Variants in USP20 observed in about 807,000 individuals in gnomAD.
USP20 encodes ubiquitin carboxyl-terminal hydrolase 20.
In USP20, 80 loss-of-function variants were observed where a neutral mutation model predicts 124.2. That is an observed-to-expected ratio of 0.64 (90% CI 0.54 to 0.78). USP20 has a LOEUF of 0.78. USP20 is among the 30% of genes least tolerant of loss of function. The probability of loss-of-function intolerance (pLI) is 0.00; values close to 1 mark genes in which losing one functional copy is unlikely to be tolerated. For synonymous variants in USP20, 481 were observed against 512.3 expected (o/e 0.94, Z 0.83); for missense variants, 1,043 against 1,244.4 (o/e 0.84, Z 2.44).
At chr9:129,876,681 C>T (rs141221811) in intron 22 of USP20, among the ~76,000 whole-genome samples, 3 of 150,826 alleles carry the variant, frequency 2.0e-5, no homozygotes, top group African/African-American at 2.4e-5. Flanking sequence ...GAGTCTTCTG[C>T]GGGGAACTAG....
At chr9:129,848,457 G>C (rs759056423) in intron 1 of USP20, among the ~76,000 whole-genome samples, 3 of 151,618 alleles carry the variant, frequency 2.0e-5, no homozygotes, top group Non-Finnish European at 4.4e-5. Flanking sequence ...GAAGTTGCAA[G>C]AATGTAAGTC....
chr9:129,838,783 T>G (rs1286242996), intron 1 of USP20, among the ~76,000 whole-genome samples: 2 of 152,242 alleles, frequency 1.3e-5, no homozygotes, highest in Non-Finnish European at 2.9e-5. Flanking sequence ...TCATGCTTAC[T>G]CACCACTGAG....
intron 6 of USP20, among the ~76,000 whole-genome samples, chr9:129,860,164 A>G (rs1363783222): frequency 6.6e-6 from 1 of 152,136 alleles, no homozygotes; most frequent in Non-Finnish European, 1.5e-5. Flanking sequence ...CCCCGTCTCT[A>G]CTAAAAATAC....
intron 14 of USP20, 25 bp downstream of exon 14, chr9:129,869,869 G>A: frequency 6.5e-7 from 1 of 1,546,950 alleles, no homozygotes; most frequent in Non-Finnish European, 8.7e-7. Context: ...CCACTACTGG[G>A]CGACATGGGC....
chr9:129,840,792 T>C (rs12342350), intron 1 of USP20, among the ~76,000 whole-genome samples: 32,706 of 141,402 alleles, frequency 0.23, 3,821 homozygotes, highest in South Asian at 0.26. Flanking sequence ...TTTTTTGAGA[T>C]AGGGTCTTGC....
intron 3 of USP20, among the ~76,000 whole-genome samples, chr9:129,854,311 G>A (rs1277246841): frequency 1.3e-5 from 2 of 152,138 alleles, no homozygotes; most frequent in Non-Finnish European, 2.9e-5. Context: ...TATTTATTGA[G>A]CGTTATTTAT....
In USP20 at chr9:129,878,446, C is replaced by T. The variant is rs1445662272; in HGVS notation, c.2512+6C>T. 1.2e-5 allele frequency: 19 copies of T among 1,597,704 alleles called. No individual in the cohort carries two copies. The East Asian group carries it at 2.7e-4, about 23-fold the overall frequency. On this transcript the variant is annotated splice_donor_region_variant and intron_variant, in intron 23 of 25. Transcript: ENST00000372429. ...CGTCAAGGGGAAGGACAACGGTGAG[C>T]TGAGGGGGGACCTGGCACTTACCTG...
chr9:129,868,470 G>A, intron 11 of USP20, 21 bp downstream of exon 11: 2 of 1,601,904 alleles, frequency 1.2e-6, no homozygotes, highest in South Asian at 1.1e-5. Context: ...GCCGGGGACT[G>A]CGGGAGGAAC....
Position 129,874,651 on chromosome 9 carries a change from C to A in USP20, c.1816C>A (p.Pro606Thr), listed in dbSNP as rs2034298467. ...SFKINSHVSFPLEGLDLRPFL... is the reference protein window; with the variant it reads ...SFKINSHVSFTLEGLDLRPFL... ...CAAGATCAACAGCCACGTCTCCTTC[C>A]CCCTCGAGGGGCTCGACCTGCGCCC... Residue 606 changes from proline (P) to threonine (T), a missense_variant, in exon 18 of 26, where the codon CCC (proline) becomes ACC (threonine). Transcript: ENST00000372429. 1 of 1,613,814 alleles carries A rather than the reference C, an allele frequency of 6.2e-7. No individual in the cohort carries two copies. Among genetic ancestry groups the A allele is most frequent in the Non-Finnish European group, 8.5e-7 (1 of 1,180,032 alleles).
At chr9:129,861,458 C>T (rs919422579) in intron 7 of USP20, 85 bp from the exon 8 acceptor site, 2 of 1,299,854 alleles carry the variant, frequency 1.5e-6, no homozygotes, top group Non-Finnish European at 2.2e-6. Context: ...TTGAGAGCCA[C>T]ACCTTTGTGC....
At position 129,874,878 on chromosome 9, in the gene USP20, C is replaced by T. The variant is rs765763870; in HGVS notation, c.1971C>T (p.Tyr657=). 5.6e-6 allele frequency: 9 copies of T among 1,613,966 alleles called. No individual in the cohort carries two copies. The highest frequency in any genetic ancestry group is 2.2e-5 in the South Asian group (2 of 91,092). Residue 657 remains tyrosine (Y), a synonymous_variant, in exon 19 of 26, where the codon TAC becomes TAT. Coordinates refer to ENST00000372429, the MANE Select transcript of USP20 (RefSeq NM_001110303.4). ...YCQNVINGQW[Y]EFDDQYVTEV... The stretch of plus-strand genomic sequence containing the variant: ...AGAACGTGATCAATGGGCAGTGGTA[C>T]GAGTTTGATGACCAGTACGTCACAG...
chr9:129,876,118 C>T lies in USP20; in HGVS notation c.2301-12C>T. 1.2e-6 allele frequency: 2 copies of T among 1,610,354 alleles called. No homozygotes were observed. Among genetic ancestry groups the T allele is most frequent in the Non-Finnish European group, 1.7e-6 (2 of 1,178,198 alleles). ...GCTCAGGCCGTGTCTCTCTCTCCCACCCTGGGCACAGATTCGGGGGTGGCC... is the reference window on the plus strand; with the variant it reads ...GCTCAGGCCGTGTCTCTCTCTCCCATCCTGGGCACAGATTCGGGGGTGGCC... On this transcript the variant is annotated splice_polypyrimidine_tract_variant and intron_variant, in intron 21 of 25. Transcript: ENST00000372429.
chr9:129,855,398 TC>T (rs2033158287), intron 3 of USP20, among the ~76,000 whole-genome samples: 3 of 147,174 alleles, frequency 2.0e-5, no homozygotes, highest in Non-Finnish European at 4.5e-5. Flanking sequence ...ACCACTGCAC[TC>T]CAGCCTGGGT....
At chr9:129,836,436 G>A (rs1370984227) in intron 1 of USP20, among the ~76,000 whole-genome samples, 1 of 152,202 alleles carries the variant, frequency 6.6e-6, no homozygotes, top group African/African-American at 2.4e-5. Context: ...CAGCTAGGAG[G>A]TGGAACAGGA....
chr9:129,867,543 G>A (rs1485000313), intron 10 of USP20, among the ~76,000 whole-genome samples: 5 of 152,022 alleles, frequency 3.3e-5, no homozygotes, highest in Non-Finnish European at 7.4e-5. Flanking sequence ...CGTGGCTTGG[G>A]GCAGGACTCG....
chr9:129,872,452 T>A (rs910840986), intron 15 of USP20, among the ~76,000 whole-genome samples: 4 of 152,036 alleles, frequency 2.6e-5, no homozygotes, highest in Non-Finnish European at 1.5e-5. Context: ...GGTGCCGGCC[T>A]CGTTAGTTAG....
intron 1 of USP20, among the ~76,000 whole-genome samples, chr9:129,841,880 G>A (rs2032237480): frequency 6.6e-6 from 1 of 152,100 alleles, no homozygotes; most frequent in African/African-American, 2.4e-5. Flanking sequence ...GTTCGTTGCT[G>A]GGCTGGTTGG....
At chr9:129,842,710 C>T (rs1475875537) in intron 1 of USP20, among the ~76,000 whole-genome samples, 1 of 151,858 alleles carries the variant, frequency 6.6e-6, no homozygotes, top group South Asian at 2.1e-4. Flanking sequence ...TCTCCTGCCT[C>T]AGCCTCCTGA....
chr9:129,869,808 A>G lies in USP20; in HGVS notation c.1529A>G (p.Gln510Arg), dbSNP rs1275284386. The G allele has an allele frequency of 6.2e-7, 1 of 1,613,978 alleles. No individual in the cohort carries two copies. Among genetic ancestry groups the G allele is most frequent in the Admixed American group, 1.7e-5 (1 of 60,030 alleles). Residue 510 changes from glutamine to arginine, a missense_variant, in exon 14 of 26, where the codon CAG becomes CGG. Physicochemically the swap from Gln to Arg is conservative, Grantham distance 43. Transcript: ENST00000372429. ...PGACGDSYAA[Q>R]GWLAFIVEYI... ...GCCTGTGGGGACAGCTATGCCGCCC[A>G]GGGCTGGCTGGCCTTCATTGTGGAG...
Sources: allele counts gnomAD v4.1 joint callset (sites outside exome capture counted in the v4.1 genomes callset), GRCh38; gene constraint gnomAD v4.1.1; transcripts MANE v1.5; gene names NCBI Gene and HGNC (gene_info 2026-07-23, HGNC 2026-07-21).